The following PTER variants were observed in gnomAD, a reference collection of about 807,000 sequenced individuals.
PTER encodes N-acetyltaurine hydrolase.
In PTER, 38 loss-of-function variants were observed where a neutral mutation model predicts 29.6. That is an observed-to-expected ratio of 1.28 (90% CI 0.99 to 1.68). The LOEUF (loss-of-function observed/expected upper bound fraction) is 1.68, where lower values mean the gene tolerates loss of function less well. PTER is among the 40% of genes most tolerant of loss of function. The pLI, the probability that PTER is intolerant of heterozygous loss-of-function variation, is 0.00. For missense variants in PTER, 482 were observed against 427.8 expected (o/e 1.13, Z -1.12); for synonymous variants, 172 against 154.5 (o/e 1.11, Z -0.84).
chr10:16,501,468 A>C (rs182532673), intron 3 of PTER, among the ~76,000 whole-genome samples: 5 of 152,210 alleles, frequency 3.3e-5, no homozygotes, highest in African/African-American at 7.2e-5. Flanking sequence ...AATTGTCTAA[A>C]ATAACTGTAA....
At chr10:16,488,785 G>A (rs1489636303) in intron 3 of PTER, among the ~76,000 whole-genome samples, 1 of 152,058 alleles carries the variant, frequency 6.6e-6, no homozygotes, top group Non-Finnish European at 1.5e-5. Context: ...TATATTTTTT[G>A]TAGAGATAGG....
chr10:16,514,810 G>A (rs927233014), downstream of PTER: 1 of 815,316 alleles, frequency 1.2e-6, no homozygotes, highest in African/African-American at 1.7e-5. Flanking sequence ...CCATAGTACA[G>A]AATTTAGCAT....
At chr10:16,509,983 C>A (rs45488094) in intron 4 of PTER, among the ~76,000 whole-genome samples, 7,993 of 152,164 alleles carry the variant, frequency 0.053, 284 homozygotes, top group Non-Finnish European at 0.081. Context: ...AAATATGACT[C>A]ATGTACTAGG....
chr10:16,518,843 T>C, the PTER span, among the ~76,000 whole-genome samples: 1 of 152,144 alleles, frequency 6.6e-6, no homozygotes, highest in Non-Finnish European at 1.5e-5. Context: ...GGCTGCCTGC[T>C]GAGGGACTGT....
At chr10:16,518,653 A>C (rs117330342), downstream of PTER, among the ~76,000 whole-genome samples, 209 of 152,274 alleles carry the variant, frequency 1.4e-3, 1 homozygote, top group Middle Eastern at 0.014. Context: ...TTCTTTTTTC[A>C]TGCAATTGCA....
At chr10:16,474,967 G>T (rs1275645921) in intron 1 of PTER, among the ~76,000 whole-genome samples, 1 of 152,196 alleles carries the variant, frequency 6.6e-6, no homozygotes, top group Non-Finnish European at 1.5e-5. Context: ...CAGATTTGGT[G>T]TCTGGGAGGG....
At chr10:16,455,727 C>A (rs1296552663) in intron 1 of PTER, among the ~76,000 whole-genome samples, 1 of 152,090 alleles carries the variant, frequency 6.6e-6, no homozygotes, top group African/African-American at 2.4e-5. Flanking sequence ...AAAGGTTTAA[C>A]TTCATCTGAT....
At chr10:16,498,002 G>A (rs1393767892) in intron 3 of PTER, among the ~76,000 whole-genome samples, 2 of 151,952 alleles carry the variant, frequency 1.3e-5, no homozygotes, top group South Asian at 2.1e-4. Context: ...CTTACTAGTT[G>A]AGCAAAAGTA....
intron 4 of PTER, 123 bp from the exon 5 acceptor site, chr10:16,510,923 C>T (rs181925815): frequency 3.4e-5 from 26 of 762,582 alleles, no homozygotes; most frequent in African/African-American, 2.1e-4. Context: ...TCAGTACACA[C>T]GCCACAGTAG....
chr10:16,513,638 A>G lies in PTER; in HGVS notation c.*2382A>G, dbSNP rs1836895174. 1 of 152,606 alleles carries G rather than the reference A, an allele frequency of 6.6e-6. No homozygotes were observed. The highest frequency in any genetic ancestry group is 6.5e-5 in the Admixed American group (1 of 15,274). 9.5% of individuals were successfully genotyped at this position (152,606 alleles called of 1,614,324 possible). A position where few individuals can be genotyped will look rare whatever the true frequency, so the allele number is the denominator to read the frequency against. ...CTTGGTGACGTATGCAGCAGCTCAA[A>G]TTAAACCTTTGTGCATTGGGTTATG... On this transcript the variant is annotated 3_prime_UTR_variant, in exon 5 of 5. Coordinates refer to ENST00000535784, the MANE Select transcript of PTER (RefSeq NM_001261836.2).
At chr10:16,448,080 GT>G (rs1479841095) in intron 1 of PTER, among the ~76,000 whole-genome samples, 1 of 152,160 alleles carries the variant, frequency 6.6e-6, no homozygotes, top group Non-Finnish European at 1.5e-5. Flanking sequence ...ATAGTTAAAC[GT>G]TCAGTTTCTA....
chr10:16,451,751 T>C (rs573410527), intron 1 of PTER, among the ~76,000 whole-genome samples: 1 of 152,170 alleles, frequency 6.6e-6, no homozygotes, highest in South Asian at 2.1e-4. Flanking sequence ...GGACAGTAGT[T>C]TTCTCTGCCT....
intron 1 of PTER, among the ~76,000 whole-genome samples, chr10:16,438,108 C>T (rs1473897390): frequency 6.6e-6 from 1 of 151,326 alleles, no homozygotes; most frequent in South Asian, 2.1e-4. Context: ...CGGGATCAAG[C>T]GATTCTCTTG....
At chr10:16,481,905 C>T (rs746117225) in intron 1 of PTER, among the ~76,000 whole-genome samples, 9 of 152,108 alleles carry the variant, frequency 5.9e-5, no homozygotes, top group Non-Finnish European at 1.2e-4. Context: ...ATTTCATCAA[C>T]GGAAGGCATG....
At chr10:16,439,670 C>T (rs1023879852) in intron 1 of PTER, among the ~76,000 whole-genome samples, 5 of 152,152 alleles carry the variant, frequency 3.3e-5, no homozygotes, top group African/African-American at 1.2e-4. Context: ...ACATACAGGA[C>T]CCATTCATAC....
chr10:16,468,553 A>G (rs1289152243), intron 1 of PTER, among the ~76,000 whole-genome samples: 1 of 152,204 alleles, frequency 6.6e-6, no homozygotes, highest in Non-Finnish European at 1.5e-5. Flanking sequence ...AAGCGGGACT[A>G]AAACAAGCAA....
intron 1 of PTER, among the ~76,000 whole-genome samples, chr10:16,461,585 A>C (rs1229434681): frequency 1.3e-5 from 2 of 152,138 alleles, no homozygotes; most frequent in Non-Finnish European, 2.9e-5. Context: ...CTTTTAGTAC[A>C]TCAGATACTA....
downstream of PTER, among the ~76,000 whole-genome samples, chr10:16,514,880 C>T (rs555389980): frequency 2.6e-5 from 4 of 152,242 alleles, no homozygotes; most frequent in East Asian, 5.8e-4. Context: ...GTTTCCGCTA[C>T]GTTAGTGAGA....
chr10:16,480,721 G>A (rs950569550), intron 1 of PTER, among the ~76,000 whole-genome samples: 3 of 152,092 alleles, frequency 2.0e-5, no homozygotes, highest in African/African-American at 7.2e-5. Context: ...CTACATAGAC[G>A]GAATCATCTT....
Sources: gnomAD v4.1 joint callset for allele counts (sites outside exome capture counted in the v4.1 genomes callset) on GRCh38, gnomAD v4.1.1 for gene constraint, MANE v1.5 for transcripts, NCBI Gene and HGNC (gene_info 2026-07-23, HGNC 2026-07-21) for gene names.